Variants in CCSER1 observed in about 807,000 individuals in gnomAD.
The protein encoded by CCSER1 is serine-rich coiled-coil domain-containing protein 1.
Under a neutral mutation model 82.0 loss-of-function variants are expected in CCSER1, and 41 were observed. The ratio of observed to expected loss-of-function variants is 0.50; its 90% CI spans 0.39 to 0.65. The LOEUF is 0.65. Ranked by LOEUF, CCSER1 falls within the 30% of genes least tolerant of loss-of-function variation. The probability of loss-of-function intolerance (pLI) is 0.00; values close to 1 mark genes in which losing one functional copy is unlikely to be tolerated. For missense variants in CCSER1, 1,119 were observed against 1,064.2 expected (o/e 1.05, Z -0.72); for synonymous variants, 414 against 383.9 (o/e 1.08, Z -0.92).
intron 8 of CCSER1, among the ~76,000 whole-genome samples, chr4:90,819,215 T>C (rs972505347): frequency 6.6e-6 from 1 of 152,242 alleles, no homozygotes; most frequent in Non-Finnish European, 1.5e-5. Flanking sequence ...TGTCTCTTCT[T>C]CTAAAGACAC....
chr4:90,195,025 A>T (rs189779688), intron 1 of CCSER1, among the ~76,000 whole-genome samples: 1 of 152,224 alleles, frequency 6.6e-6, no homozygotes, highest in East Asian at 1.9e-4. Context: ...TAAAGTAATA[A>T]ATTAATGAAT....
chr4:91,576,027 G>GT (rs1763435596), intron 10 of CCSER1, among the ~76,000 whole-genome samples: 1 of 151,830 alleles, frequency 6.6e-6, no homozygotes, highest in Admixed American at 6.6e-5. Context: ...AATGAAATCA[G>GT]TATGTCAAAG....
At chr4:90,845,726 C>T (rs1021414650) in intron 8 of CCSER1, among the ~76,000 whole-genome samples, 2 of 151,044 alleles carry the variant, frequency 1.3e-5, no homozygotes, top group South Asian at 2.1e-4. Context: ...AAATTTAATT[C>T]CTGAACAACA....
intron 10 of CCSER1, among the ~76,000 whole-genome samples, chr4:91,270,763 T>C (rs1191369720): frequency 6.6e-6 from 1 of 152,212 alleles, no homozygotes; most frequent in Non-Finnish European, 1.5e-5. Context: ...TTCTCCCTCT[T>C]TCCTATTTGT....
intron 9 of CCSER1, among the ~76,000 whole-genome samples, chr4:90,943,132 A>T (rs1284480878): frequency 6.6e-6 from 1 of 151,892 alleles, no homozygotes; most frequent in East Asian, 1.9e-4. Flanking sequence ...TTTCTTCCTA[A>T]TGAGGCTGGC....
intron 4 of CCSER1, among the ~76,000 whole-genome samples, chr4:90,400,628 T>G (rs1752708380): frequency 6.6e-6 from 1 of 152,102 alleles, no homozygotes; most frequent in South Asian, 2.1e-4. Context: ...CTCATAAACA[T>G]ATACACACAC....
chr4:90,788,854 A>G (rs1368329475), intron 7 of CCSER1, among the ~76,000 whole-genome samples: 2 of 152,276 alleles, frequency 1.3e-5, no homozygotes, highest in Middle Eastern at 3.4e-3. Context: ...TGGTTTACAG[A>G]TAGTTCTCTG....
chr4:90,927,780 T>TA (rs904516122), intron 9 of CCSER1, among the ~76,000 whole-genome samples: 4 of 152,094 alleles, frequency 2.6e-5, no homozygotes, highest in African/African-American at 4.8e-5. Flanking sequence ...CAGATAGTCC[T>TA]AAAAAATATG....
chr4:91,093,110 G>A (rs1446711854), intron 10 of CCSER1, among the ~76,000 whole-genome samples: 3 of 152,192 alleles, frequency 2.0e-5, no homozygotes, highest in African/African-American at 7.2e-5. Context: ...AAGTTCTAGA[G>A]CCCGAGTTAA....
chr4:91,441,206 A>G (rs1227931684), intron 10 of CCSER1, among the ~76,000 whole-genome samples: 6 of 152,066 alleles, frequency 3.9e-5, no homozygotes, highest in Non-Finnish European at 8.8e-5. Context: ...ATGAACATTG[A>G]TACAAAAATC....
intron 10 of CCSER1, among the ~76,000 whole-genome samples, chr4:91,334,382 C>T (rs1747174272): frequency 1.3e-5 from 2 of 152,052 alleles, no homozygotes; most frequent in South Asian, 4.1e-4. Flanking sequence ...CCTAGGTGTT[C>T]CCTAATTCAT....
intron 10 of CCSER1, among the ~76,000 whole-genome samples, chr4:91,465,733 A>G (rs1378972512): frequency 6.6e-6 from 1 of 152,184 alleles, no homozygotes; most frequent in Non-Finnish European, 1.5e-5. Flanking sequence ...ACCTCTATAC[A>G]AATAAACTAG....
intron 7 of CCSER1, among the ~76,000 whole-genome samples, chr4:90,788,281 A>G (rs190277767): frequency 8.5e-5 from 13 of 152,290 alleles, no homozygotes; most frequent in Non-Finnish European, 1.3e-4. Flanking sequence ...TATATGATCT[A>G]TAAAGTGTAG....
intron 5 of CCSER1, among the ~76,000 whole-genome samples, chr4:90,596,246 A>G (rs950339909): frequency 7.2e-5 from 11 of 151,952 alleles, no homozygotes; most frequent in African/African-American, 2.7e-4. Flanking sequence ...AAATGAAAAT[A>G]TTAAAATCAA....
intron 10 of CCSER1, among the ~76,000 whole-genome samples, chr4:91,406,530 G>T (rs1342286397): frequency 2.0e-5 from 3 of 152,120 alleles, no homozygotes; most frequent in Non-Finnish European, 2.9e-5. Flanking sequence ...TCATCTGTTT[G>T]TAAATAAGCA....
intron 8 of CCSER1, among the ~76,000 whole-genome samples, chr4:90,886,841 G>A (rs889639932): frequency 1.3e-5 from 2 of 152,244 alleles, no homozygotes; most frequent in East Asian, 3.9e-4. Flanking sequence ...AAGAAAATCA[G>A]TTCTGTACTG....
intron 5 of CCSER1, among the ~76,000 whole-genome samples, chr4:90,527,546 A>G (rs1478513212): frequency 6.6e-6 from 1 of 152,160 alleles, no homozygotes; most frequent in African/African-American, 2.4e-5. Context: ...ATATTTGCCA[A>G]TTTTAACATA....
intron 8 of CCSER1, among the ~76,000 whole-genome samples, chr4:90,826,091 G>A (rs560343573): frequency 1.3e-5 from 2 of 152,294 alleles, no homozygotes; most frequent in South Asian, 4.1e-4. Context: ...TACTTTCCTT[G>A]TAAGAGTTAA....
intron 3 of CCSER1, among the ~76,000 whole-genome samples, chr4:90,383,242 G>A (rs189063053): frequency 6.6e-6 from 1 of 152,112 alleles, no homozygotes; most frequent in Admixed American, 6.6e-5. Context: ...AATCGGAAAG[G>A]TTAGGCTTAA....
Sources: gnomAD v4.1 joint callset for allele counts (sites outside exome capture counted in the v4.1 genomes callset) on GRCh38, gnomAD v4.1.1 for gene constraint, MANE v1.5 for transcripts, NCBI Gene and HGNC (gene_info 2026-07-23, HGNC 2026-07-21) for gene names.